The following SLC17A1 variants were observed in gnomAD, a reference collection of about 807,000 sequenced individuals.
SLC17A1 encodes the protein solute carrier family 17 member 1.
Under a neutral mutation model 53.5 loss-of-function variants are expected in SLC17A1, and 51 were observed. The observed-to-expected ratio is 0.95, with a 90% CI of 0.76 to 1.20. The LOEUF (loss-of-function observed/expected upper bound fraction) is 1.20. Ranked by LOEUF, SLC17A1 falls within the 50% of genes most tolerant of loss-of-function variation. The pLI is 0.00. For synonymous variants in SLC17A1, 179 were observed against 198.8 expected, an observed-to-expected ratio of 0.90 and a Z score of 0.84; for missense variants, 538 against 568.2, an observed-to-expected ratio of 0.95 and a Z score of 0.54.
chr6:25,737,001 C>T, the SLC17A1 span, among the ~76,000 whole-genome samples: 511 of 152,250 alleles, frequency 3.4e-3, 3 homozygotes, highest in African/African-American at 0.01. Context: ...TTTCTGGGCA[C>T]GGGCCAAGCT....
chr6:25,783,121 G>C lies in SLC17A1; in HGVS notation c.*100C>G, dbSNP rs1259458903. 6.6e-6 allele frequency: 1 copy of C among 152,174 alleles called. No homozygotes were observed. Among genetic ancestry groups the C allele is most frequent in the Non-Finnish European group, 1.5e-5 (1 of 68,040 alleles). The allele number at this position is 152,174 out of a possible 1,614,324, so 9.4% of individuals were successfully genotyped here. A position where few individuals can be genotyped will look rare whatever the true frequency, so the allele number is the denominator to read the frequency against. On this transcript the variant is annotated 3_prime_UTR_variant, in exon 13 of 13. Coordinates refer to ENST00000244527, the MANE Select transcript of SLC17A1 (RefSeq NM_005074.5). ...GGACTCCTCCTACCACCTTCTTCCT[G>C]GTGCTGGTGACTGCCCCTCAGCCTC... is the stretch of plus-strand genomic sequence containing the variant.
chr6:25,778,521 G>A (rs1375461955), downstream of SLC17A1, among the ~76,000 whole-genome samples: 1 of 152,036 alleles, frequency 6.6e-6, no homozygotes, highest in Admixed American at 6.5e-5. Context: ...GTCATTCAAT[G>A]ACTTATTCAT....
At chr6:25,755,439 A>G in the SLC17A1 span, among the ~76,000 whole-genome samples, 1 of 152,248 alleles carries the variant, frequency 6.6e-6, no homozygotes, top group East Asian at 1.9e-4. Context: ...AGACCACCTA[A>G]GATGACATTT....
At chr6:25,725,938 G>C in the SLC17A1 span, among the ~76,000 whole-genome samples, 20 of 152,154 alleles carry the variant, frequency 1.3e-4, 1 homozygote, top group Middle Eastern at 3.2e-3. Context: ...CCGATGGAAC[G>C]CTCCTTGAAA....
the SLC17A1 span, chr6:25,732,527 C>G: frequency 3.0e-5 from 14 of 467,714 alleles, no homozygotes; most frequent in Non-Finnish European, 4.7e-5. Context: ...GCGGTGTCAA[C>G]GGGCTGCTCA....
the SLC17A1 span, among the ~76,000 whole-genome samples, chr6:25,728,827 A>G: frequency 7.8e-3 from 1,190 of 152,338 alleles, 35 homozygotes; most frequent in Admixed American, 0.047. Flanking sequence ...CACAAACAAA[A>G]AAATATATCA....
In SLC17A1 at chr6:25,819,467, G is replaced by T. The variant is rs149377750; in HGVS notation, c.529+44C>A. 2.4e-4 allele frequency: 345 copies of T among 1,423,284 alleles called. 1 individual carries two copies. The highest frequency in any genetic ancestry group is 2.7e-4 in the Non-Finnish European group (269 of 1,007,396). The allele number at this position is 1,423,284 out of a possible 1,614,324, so 88.2% of individuals were successfully genotyped here. A position where few individuals can be genotyped will look rare whatever the true frequency, so the allele number is the denominator to read the frequency against. ...GCTCTAGGGAAGAATGTAATACAATGAGATGAAGATAGGATTCAAACATTC... is the reference window on the plus strand; with the variant it reads ...GCTCTAGGGAAGAATGTAATACAATTAGATGAAGATAGGATTCAAACATTC... On this transcript the variant is annotated intron_variant, in intron 5 of 12. Transcript: ENST00000244527.
chr6:25,742,328 G>A, the SLC17A1 span, among the ~76,000 whole-genome samples: 2 of 152,010 alleles, frequency 1.3e-5, no homozygotes, highest in Non-Finnish European at 2.9e-5. Flanking sequence ...TGCATAAATG[G>A]GCCTGACTGG....
chr6:25,777,252 C>T, the SLC17A1 span: 5 of 340,716 alleles, frequency 1.5e-5, no homozygotes, highest in South Asian at 2.1e-4. Flanking sequence ...TTGCCTAAGG[C>T]GGAATCACTG....
chr6:25,819,828 C>T lies in SLC17A1; in HGVS notation c.295G>A (p.Gly99Arg), dbSNP rs1764488386. Residue 99 changes from glycine (G) to arginine (R), a missense_variant, in exon 4 of 13, where the codon GGA becomes AGA. Coordinates refer to ENST00000244527, the MANE Select transcript of SLC17A1 (RefSeq NM_005074.5). ...YGVIIIQVPVGYFSGIYSTKK... is the reference protein window; with the variant it reads ...YGVIIIQVPVRYFSGIYSTKK... ...GTAGAATATATTCCAGAGAAGTATC[C>T]AACAGGAACTTGGATGATGATGACA... 12 of 1,613,868 alleles carry T rather than the reference C, an allele frequency of 7.4e-6. No homozygotes were observed. Among genetic ancestry groups the T allele is most frequent in the Non-Finnish European group, 1.0e-5 (12 of 1,179,930 alleles).
At chr6:25,755,060 C>CAA in the SLC17A1 span, among the ~76,000 whole-genome samples, 1 of 149,482 alleles carries the variant, frequency 6.7e-6, no homozygotes, top group Non-Finnish European at 1.5e-5. Context: ...CACACACACA[C>CAA]ACACACACAC....
chr6:25,736,556 G>A, the SLC17A1 span, among the ~76,000 whole-genome samples: 2 of 151,950 alleles, frequency 1.3e-5, no homozygotes, highest in East Asian at 3.9e-4. Flanking sequence ...CCAAACAAGG[G>A]GTATGGCTGG....
chr6:25,830,841 C>G (rs1428668868), intron 1 of SLC17A1, among the ~76,000 whole-genome samples: 1 of 151,952 alleles, frequency 6.6e-6, no homozygotes, highest in Non-Finnish European at 1.5e-5. Flanking sequence ...AACAAATAAC[C>G]CTGCCAATCC....
chr6:25,752,082 T>C, the SLC17A1 span, among the ~76,000 whole-genome samples: 1 of 152,264 alleles, frequency 6.6e-6, no homozygotes, highest in Non-Finnish European at 1.5e-5. Flanking sequence ...CCACAGAGCA[T>C]GTGCTGTATA....
At chr6:25,817,925 CT>C (rs1336227698) in intron 6 of SLC17A1, among the ~76,000 whole-genome samples, 1 of 152,174 alleles carries the variant, frequency 6.6e-6, no homozygotes, top group East Asian at 1.9e-4. Context: ...CTACTGAAGA[CT>C]AACTAACACA....
At chr6:25,814,765 C>T (rs947281194) in intron 6 of SLC17A1, among the ~76,000 whole-genome samples, 12 of 152,074 alleles carry the variant, frequency 7.9e-5, no homozygotes, top group East Asian at 1.9e-4. Flanking sequence ...GGGCGGATCA[C>T]GTGAGGTCAG....
the SLC17A1 span, among the ~76,000 whole-genome samples, chr6:25,752,615 T>C: frequency 6.6e-6 from 1 of 152,234 alleles, no homozygotes; most frequent in African/African-American, 2.4e-5. Flanking sequence ...TTGACTCTGG[T>C]AATCACAGCT....
chr6:25,757,398 C>T, the SLC17A1 span, among the ~76,000 whole-genome samples: 1 of 151,990 alleles, frequency 6.6e-6, no homozygotes, highest in African/African-American at 2.4e-5. Context: ...TTTATATCTG[C>T]TTGGTGCTGT....
chr6:25,794,782 G>C (rs532086553), intron 12 of SLC17A1, among the ~76,000 whole-genome samples: 1 of 152,156 alleles, frequency 6.6e-6, no homozygotes, highest in Non-Finnish European at 1.5e-5. Flanking sequence ...AGGAGGCAGG[G>C]CATCTGGGAA....
Sources: gnomAD v4.1 joint callset for allele counts (sites outside exome capture counted in the v4.1 genomes callset) on GRCh38, gnomAD v4.1.1 for gene constraint, MANE v1.5 for transcripts, NCBI Gene and HGNC (gene_info 2026-07-23, HGNC 2026-07-21) for gene names.